The following SMAD9 variants were observed in gnomAD, a reference collection of about 807,000 sequenced individuals.
The protein encoded by SMAD9 is SMAD family member 9, also known as MAD homolog 9.
In SMAD9, 36 loss-of-function variants were observed where a neutral mutation model predicts 46.1. The ratio of observed to expected loss-of-function variants is 0.78; its 90% CI spans 0.60 to 1.03. SMAD9 has a LOEUF of 1.03. Among genes scored for constraint, SMAD9 ranks in the 50% least tolerant of loss-of-function variants. The pLI is 0.00. For missense variants in SMAD9, 572 were observed against 599.8 expected, an observed-to-expected ratio of 0.95 and a Z score of 0.48; for synonymous variants, 245 against 237.1, an observed-to-expected ratio of 1.03 and a Z score of -0.31.
intron 5 of SMAD9, 148 bp from the exon 6 acceptor site, chr13:36,853,823 T>TTAGTTTAATGATA: frequency 1.2e-6 from 1 of 827,622 alleles, no homozygotes; most frequent in Admixed American, 2.0e-5. Context: ...TAAATGCCGC[T>TTAGTTTAATGATA]TAGTTTAATG....
chr13:36,870,165 T>C (rs1447046701), intron 3 of SMAD9, among the ~76,000 whole-genome samples: 1 of 152,136 alleles, frequency 6.6e-6, no homozygotes, highest in African/African-American at 2.4e-5. Context: ...CTGTCCTGCT[T>C]GGGTGGGAAG....
chr13:36,863,447 C>T (rs1043555569), intron 5 of SMAD9, among the ~76,000 whole-genome samples: 1 of 152,226 alleles, frequency 6.6e-6, no homozygotes, highest in African/African-American at 2.4e-5. Flanking sequence ...AGTCCCAGCT[C>T]TTGCTCATGT....
chr13:36,887,632 TG>T (rs1341401827), intron 1 of SMAD9, among the ~76,000 whole-genome samples: 1 of 152,108 alleles, frequency 6.6e-6, no homozygotes. Flanking sequence ...CTGGGAGACC[TG>T]GCAGAGGTGG....
chr13:36,847,432 A>G lies in SMAD9; in HGVS notation c.*1244T>C, dbSNP rs2058044317. 1 of 152,256 alleles carries G rather than the reference A, an allele frequency of 6.6e-6. No individual in the cohort carries two copies. The highest frequency in any genetic ancestry group is 2.4e-5 in the African/African-American group (1 of 41,474). The allele number at this position is 152,256 out of a possible 1,614,324, so 9.4% of individuals were successfully genotyped here. The stretch of plus-strand genomic sequence containing the variant: ...ATTTTCCTCCCTCATCTAAAGTAAA[A>G]TAAGAACAGGTTTTTAATATTGTGT... On this transcript the variant is annotated 3_prime_UTR_variant, in exon 7 of 7. Coordinates refer to ENST00000379826, the MANE Select transcript of SMAD9 (RefSeq NM_001127217.3).
intron 1 of SMAD9, among the ~76,000 whole-genome samples, chr13:36,889,314 T>G (rs2058471878): frequency 6.6e-6 from 1 of 152,192 alleles, no homozygotes; most frequent in Non-Finnish European, 1.5e-5. Flanking sequence ...TACTTTAAAA[T>G]GTGGCTCCAT....
chr13:36,851,662 G>A (rs1184830177), intron 6 of SMAD9: 55 of 832,662 alleles, frequency 6.6e-5, no homozygotes, highest in Non-Finnish European at 7.5e-5. Flanking sequence ...AATCAGAGCT[G>A]AAAGAAACCT....
intron 1 of SMAD9, among the ~76,000 whole-genome samples, chr13:36,885,172 A>G (rs1295383929): frequency 1.3e-5 from 2 of 152,188 alleles, no homozygotes; most frequent in Admixed American, 1.3e-4. Flanking sequence ...TATCTAGACT[A>G]TTTCTGCAGC....
rs563404096 is a variant in SMAD9, at chr13:36,868,137, T to C, written c.671-754A>G. Among the ~76,000 whole-genome samples the C allele has an allele frequency of 2.5e-4, 38 of 152,368 alleles. No individual in the cohort carries two copies. In the South Asian group the frequency reaches 5.0e-3, roughly 20 times the overall value. On this transcript the variant is annotated intron_variant, in intron 3 of 6. Coordinates refer to ENST00000379826, the MANE Select transcript of SMAD9 (RefSeq NM_001127217.3). ...ATCAATCTGCCTTTGTTGTATCGAA[T>C]TGTCCACACAAGTAGTTCTCACACT...
At chr13:36,860,734 T>G (rs142859016) in intron 5 of SMAD9, among the ~76,000 whole-genome samples, 5 of 152,068 alleles carry the variant, frequency 3.3e-5, no homozygotes, top group African/African-American at 9.6e-5. Context: ...ATTACAGGCA[T>G]GAGCCACCAC....
intron 5 of SMAD9, among the ~76,000 whole-genome samples, chr13:36,861,262 A>C (rs1208505671): frequency 6.6e-6 from 1 of 152,186 alleles, no homozygotes; most frequent in Non-Finnish European, 1.5e-5. Context: ...AATGGTGTGA[A>C]GGCTAATTGA....
At chr13:36,855,251 C>T (rs1428791675) in intron 5 of SMAD9, among the ~76,000 whole-genome samples, 1 of 45,974 alleles carries the variant, frequency 2.2e-5, no homozygotes, top group Non-Finnish European at 4.4e-5. Flanking sequence ...GAGTCCATCT[C>T]AAAAAAAAAA....
intron 1 of SMAD9, among the ~76,000 whole-genome samples, chr13:36,883,611 C>T (rs987585648): frequency 6.6e-6 from 1 of 151,996 alleles, no homozygotes; most frequent in Non-Finnish European, 1.5e-5. Flanking sequence ...GTTAATTGGG[C>T]GTGGTGGCGG....
At chr13:36,892,196 A>G (rs2058493634) in intron 1 of SMAD9, among the ~76,000 whole-genome samples, 1 of 152,188 alleles carries the variant, frequency 6.6e-6, no homozygotes, top group Admixed American at 6.5e-5. Context: ...TAAGGAAAGA[A>G]CCTTACAAAG....
At chr13:36,879,166 C>A in intron 2 of SMAD9, 112 bp downstream of exon 2, 1 of 934,498 alleles carries the variant, frequency 1.1e-6, no homozygotes, top group South Asian at 1.4e-5. Context: ...CCTCTCTTCT[C>A]TCTCTCTCTT....
At chr13:36,895,284 T>C (rs551318777) in intron 1 of SMAD9, among the ~76,000 whole-genome samples, 2 of 152,268 alleles carry the variant, frequency 1.3e-5, no homozygotes, top group Non-Finnish European at 2.9e-5. Flanking sequence ...GGAAACCCCT[T>C]AGTCTCTTAC....
At chr13:36,905,800 AAAAAAAAAAAAAAAAC>A (rs1221976230) in intron 1 of SMAD9, among the ~76,000 whole-genome samples, 11 of 105,582 alleles carry the variant, frequency 1.0e-4, no homozygotes, top group Middle Eastern at 0.011. Flanking sequence ...AAAAAAAAAA[AAAAAAAAAAAAAAAAC>A]TTATATCCTT....
chr13:36,884,143 C>G (rs574770), intron 1 of SMAD9, among the ~76,000 whole-genome samples: 89,127 of 152,084 alleles, frequency 0.59, 26,989 homozygotes, highest in East Asian at 0.73. Flanking sequence ...ACTCTGACAC[C>G]GCTATCAAAC....
rs1160749138 is a variant in SMAD9, at chr13:36,911,623, G to C, written c.-187+8493C>G. ...CCCGGCCAAAGGCTGCCTGGGGGGGGGGGGGGCGGGTGGAGTTCATAAACT... is the reference window on the plus strand; with the variant it reads ...CCCGGCCAAAGGCTGCCTGGGGGGGCGGGGGGCGGGTGGAGTTCATAAACT... On this transcript the variant is annotated intron_variant, in intron 1 of 6. Transcript: ENST00000379826. Among the ~76,000 whole-genome samples, 21 of 138,868 alleles carry C rather than the reference G, an allele frequency of 1.5e-4. 1 individual carries two copies. The highest frequency in any genetic ancestry group is 9.5e-4 in the Admixed American group (13 of 13,648). 91.1% of individuals were successfully genotyped at this position (138,868 alleles called of 152,430 possible).
intron 1 of SMAD9, among the ~76,000 whole-genome samples, chr13:36,905,626 T>C (rs2058612576): frequency 6.6e-6 from 1 of 151,464 alleles, no homozygotes; most frequent in Admixed American, 6.6e-5. Context: ...AAACAAAAAT[T>C]AGCCAGGTGT....
Sources: gnomAD v4.1 joint callset for allele counts (sites outside exome capture counted in the v4.1 genomes callset) on GRCh38, gnomAD v4.1.1 for gene constraint, MANE v1.5 for transcripts, NCBI Gene and HGNC (gene_info 2026-07-23, HGNC 2026-07-21) for gene names.